Variants in WDFY1 observed in about 807,000 individuals in gnomAD.
WDFY1 encodes WD repeat and FYVE domain containing 1, also known as WD repeat and FYVE domain-containing protein 1.
Under a neutral mutation model 56.4 loss-of-function variants are expected in WDFY1, and 32 were observed. The observed-to-expected ratio is 0.57, with a 90% CI of 0.43 to 0.76. The LOEUF (loss-of-function observed/expected upper bound fraction) is 0.76. Among genes scored for constraint, WDFY1 ranks in the 30% least tolerant of loss-of-function variants. WDFY1 has a pLI of 0.00. For missense variants in WDFY1, 480 were observed against 545.7 expected, an observed-to-expected ratio of 0.88 and a Z score of 1.20; for synonymous variants, 192 against 197.3, an observed-to-expected ratio of 0.97 and a Z score of 0.23.
At chr2:223,940,894 C>T (rs1272527885) in intron 1 of WDFY1, among the ~76,000 whole-genome samples, 1 of 152,102 alleles carries the variant, frequency 6.6e-6, no homozygotes, top group Non-Finnish European at 1.5e-5. Context: ...ATGATCTCGG[C>T]TCACTTCAAC....
At position 223,899,024 on chromosome 2, in the gene WDFY1, G is replaced by T. The variant is rs1228097619; in HGVS notation, c.532C>A (p.Gln178Lys). 1.2e-6 allele frequency: 2 copies of T among 1,614,116 alleles called. No individual in the cohort carries two copies. The highest frequency in any genetic ancestry group is 2.2e-5 in the South Asian group (2 of 91,078). Residue 178 changes from glutamine to lysine, a missense_variant, in exon 6 of 12, where the codon CAG (glutamine) becomes AAG (lysine). By Grantham distance (53) the Gln-to-Lys change is moderately conservative. Coordinates refer to ENST00000233055, the MANE Select transcript of WDFY1 (RefSeq NM_020830.5). ...TGTTCAAGCTTCAGCAGGGTGATCT[G>T]CCCAGAATAATCACCAACGAAAGCA... ...QYAFVGDYSG[Q>K]ITLLKLEQNT...
intron 1 of WDFY1, among the ~76,000 whole-genome samples, chr2:223,938,736 C>A (rs1248664079): frequency 6.6e-6 from 1 of 152,018 alleles, no homozygotes; most frequent in Admixed American, 6.6e-5. Flanking sequence ...GGAGTGCTGA[C>A]CGTATCTAGC....
At chr2:223,889,798 T>G (rs1346085438) in intron 8 of WDFY1, among the ~76,000 whole-genome samples, 1 of 152,232 alleles carries the variant, frequency 6.6e-6, no homozygotes, top group Non-Finnish European at 1.5e-5. Flanking sequence ...GAGTTAATAT[T>G]TGGGAAGTGT....
intron 1 of WDFY1, among the ~76,000 whole-genome samples, chr2:223,921,726 G>A (rs536510889): frequency 3.3e-5 from 5 of 152,276 alleles, no homozygotes; most frequent in African/African-American, 1.2e-4. Context: ...GAGCAGCTGG[G>A]ACTACAGACG....
At chr2:223,888,180 T>C (rs1458951464) in intron 8 of WDFY1, among the ~76,000 whole-genome samples, 1 of 152,060 alleles carries the variant, frequency 6.6e-6, no homozygotes, top group Non-Finnish European at 1.5e-5. Context: ...CTCTGTCTCA[T>C]GCGATCCTCC....
chr2:223,893,860 G>A (rs919374879), intron 8 of WDFY1, among the ~76,000 whole-genome samples: 1 of 152,204 alleles, frequency 6.6e-6, no homozygotes, highest in Non-Finnish European at 1.5e-5. Context: ...AGTCACTGAT[G>A]CATCTCTCAG....
At chr2:223,944,846 TC>T (rs1689379174) in intron 1 of WDFY1, among the ~76,000 whole-genome samples, 1 of 141,416 alleles carries the variant, frequency 7.1e-6, no homozygotes, top group African/African-American at 2.7e-5. Context: ...GGAACAAGGG[TC>T]CCGGGCTTGG....
chr2:223,899,313 C>T, intron 5 of WDFY1: 1 of 409,496 alleles, frequency 2.4e-6, no homozygotes, highest in Non-Finnish European at 4.5e-6. Flanking sequence ...TTCATTCATT[C>T]AACAGGAACT....
chr2:223,898,087 C>T (rs1037432916), intron 6 of WDFY1, among the ~76,000 whole-genome samples: 3 of 152,172 alleles, frequency 2.0e-5, no homozygotes, highest in Admixed American at 6.5e-5. Flanking sequence ...CTTTATTACA[C>T]ATGTGTATGT....
At chr2:223,882,250 G>A (rs1009981017) in intron 9 of WDFY1, among the ~76,000 whole-genome samples, 178 bp from the exon 10 acceptor site, 1 of 152,126 alleles carries the variant, frequency 6.6e-6, no homozygotes, top group Non-Finnish European at 1.5e-5. Context: ...AAGTAGCTGG[G>A]ATTACAGGTG....
At chr2:223,939,008 C>A (rs577318331) in intron 1 of WDFY1, among the ~76,000 whole-genome samples, 8 of 152,174 alleles carry the variant, frequency 5.3e-5, no homozygotes, top group Non-Finnish European at 1.2e-4. Context: ...GTGCACACTA[C>A]CATGCCTGGC....
At chr2:223,911,608 AC>A (rs1693703294) in intron 3 of WDFY1, among the ~76,000 whole-genome samples, 4 of 133,996 alleles carry the variant, frequency 3.0e-5, no homozygotes, top group African/African-American at 8.1e-5. Context: ...ACACACACAC[AC>A]ACACACAGAG....
intron 5 of WDFY1, among the ~76,000 whole-genome samples, chr2:223,899,509 C>T (rs2106081361): frequency 6.6e-6 from 1 of 152,302 alleles, no homozygotes; most frequent in Non-Finnish European, 1.5e-5. Context: ...CTTTGGGAGG[C>T]TGAGGCGGGC....
At chr2:223,937,164 G>T (rs57906885) in intron 1 of WDFY1, among the ~76,000 whole-genome samples, 4,653 of 152,234 alleles carry the variant, frequency 0.031, 266 homozygotes, top group African/African-American at 0.11. Flanking sequence ...TAAAGAAAAG[G>T]CATGACTCAA....
chr2:223,900,414 A>G (rs1030249131), intron 5 of WDFY1, among the ~76,000 whole-genome samples: 1 of 152,166 alleles, frequency 6.6e-6, no homozygotes, highest in African/African-American at 2.4e-5. Flanking sequence ...CAGACATTCA[A>G]CTCTGAGAGA....
intron 6 of WDFY1, among the ~76,000 whole-genome samples, chr2:223,897,391 T>TATATATATATATA (rs1559166021): frequency 5.7e-5 from 2 of 35,104 alleles, no homozygotes; most frequent in African/African-American, 2.0e-4. Flanking sequence ...TATATATATA[T>TATATATATATATA]TTTTTAAGAC....
intron 5 of WDFY1, 111 bp downstream of exon 5, chr2:223,901,072 T>G: frequency 7.4e-7 from 1 of 1,342,590 alleles, no homozygotes; most frequent in East Asian, 2.6e-5. Context: ...TGCACAAACT[T>G]AAATAGGTTT....
intron 4 of WDFY1, among the ~76,000 whole-genome samples, chr2:223,904,401 G>A (rs1292052869): frequency 7.0e-6 from 1 of 143,716 alleles, no homozygotes; most frequent in Non-Finnish European, 1.5e-5. Flanking sequence ...ACAGGCATGT[G>A]TCACCAGGTC....
chr2:223,904,772 CTGG>C (rs1693569583), intron 4 of WDFY1, among the ~76,000 whole-genome samples: 1 of 152,152 alleles, frequency 6.6e-6, no homozygotes, highest in Non-Finnish European at 1.5e-5. Context: ...GTCATGTCCT[CTGG>C]TGAAGTTTCT....
Sources: gnomAD v4.1 joint callset for allele counts (sites outside exome capture counted in the v4.1 genomes callset) on GRCh38, gnomAD v4.1.1 for gene constraint, MANE v1.5 for transcripts, NCBI Gene and HGNC (gene_info 2026-07-23, HGNC 2026-07-21) for gene names.